SLC39A5: variants seen among roughly 807,000 people sequenced by gnomAD.
SLC39A5 encodes zinc transporter ZIP5.
In SLC39A5, 42 loss-of-function variants were observed where a neutral mutation model predicts 46.9. The observed-to-expected ratio is 0.90, with a 90% CI of 0.70 to 1.16. SLC39A5 has a LOEUF of 1.16. Among genes scored for constraint, SLC39A5 ranks in the 50% most tolerant of loss-of-function variants. The pLI is 0.00. For missense variants in SLC39A5, 677 were observed against 686.8 expected (o/e 0.99, Z 0.16); for synonymous variants, 311 against 323.1 (o/e 0.96, Z 0.40).
rs758222141 is a variant in SLC39A5, at chr12:56,231,494, C to T, written c.220C>T (p.Arg74Cys). Reference sequence around the variant, plus strand: ...GGGGCTAGGCCGAGTTCAGGGGCTTCGCCTGGGACAGCATGGGCCTCTGAC... The same window carrying T: ...GGGGCTAGGCCGAGTTCAGGGGCTTTGCCTGGGACAGCATGGGCCTCTGAC... The part of the protein sequence containing the change: ...SLGLGRVQGL[R>C]LGQHGPLTGR... Residue 74 changes from arginine (R) to cysteine (C), a missense_variant, in exon 4 of 13, where the codon CGC (arginine) becomes TGC (cysteine). Coordinates refer to ENST00000454355, the MANE Select transcript of SLC39A5 (RefSeq NM_173596.3). 4.2e-5 allele frequency: 67 copies of T among 1,609,214 alleles called. No individual in the cohort carries two copies. The East Asian group carries it at 6.2e-4, about 15-fold the overall frequency.
At position 56,237,557 on chromosome 12, in the gene SLC39A5, C is replaced by A. The variant is rs529756871; in HGVS notation, c.1480-31C>A. On this transcript the variant is annotated intron_variant, in intron 12 of 12. Transcript: ENST00000454355. The stretch of plus-strand genomic sequence containing the variant: ...TGGAGTTGAGAGGTCAGGGGCAAGG[C>A]CAGAATCCTGACATCCTCTTTTTCT... 5.9e-5 allele frequency: 95 copies of A among 1,613,254 alleles called. No individual in the cohort carries two copies. In the South Asian group the frequency reaches 9.6e-4, roughly 16 times the overall value.
Position 56,235,158 on chromosome 12 carries a change from C to T in SLC39A5, c.636C>T (p.Ala212=), listed in dbSNP as rs773792338. Residue 212 remains alanine, a splice_region_variant and synonymous_variant, in exon 7 of 13, where the codon GCC becomes GCT. Coordinates refer to ENST00000454355, the MANE Select transcript of SLC39A5 (RefSeq NM_173596.3). ...ACTTCAGCCCCTGATTCTCCCCAGC[C>T]CTGCTTCAGAGTGCCCTGGCAGTCC... The part of the protein sequence containing the change: ...APAPPGDLLS[A]LLQSALAVLL... 1.3e-6 allele frequency: 2 copies of T among 1,549,908 alleles called. No homozygotes were observed. The highest frequency in any genetic ancestry group is 2.5e-5 in the South Asian group (2 of 79,668).
Position 56,237,436 on chromosome 12 carries a change from T to C in SLC39A5, c.1479+96T>C, listed in dbSNP as rs374099812. On this transcript the variant is annotated intron_variant, in intron 12 of 12. Coordinates refer to ENST00000454355, the MANE Select transcript of SLC39A5 (RefSeq NM_173596.3). ...TCCCTCCGCCTCTACCATTAGCTCC[T>C]GGAAGGGCGTCAGACCATAGGCCCG... is the stretch of plus-strand genomic sequence containing the variant. 52 of 1,526,808 alleles carry C rather than the reference T, an allele frequency of 3.4e-5. No individual in the cohort carries two copies. The East Asian group carries it at 1.1e-3, about 31-fold the overall frequency. The allele number at this position is 1,526,808 out of a possible 1,614,324, so 94.6% of individuals were successfully genotyped here. A position where few individuals can be genotyped will look rare whatever the true frequency, so the allele number is the denominator to read the frequency against.
Position 56,237,337 on chromosome 12 carries a change from C to G in SLC39A5, c.1476C>G (p.Asp492Glu). 1.3e-6 allele frequency: 2 copies of G among 1,588,758 alleles called. No homozygotes were observed. Among genetic ancestry groups the G allele is most frequent in the Middle Eastern group, 1.7e-4 (1 of 5,906 alleles). ...TCTTCCTCTATGTGGCCCTTGTGGA[C>G]ATGGTGAGAGATGTCGGGTAGAGCA... is the stretch of plus-strand genomic sequence containing the variant. Reference protein sequence around the residue: ...AGVFLYVALVDMLPALLRPPE... With the variant: ...AGVFLYVALVEMLPALLRPPE... Residue 492 changes from aspartate to glutamate, a missense_variant, in exon 12 of 13, where the codon GAC becomes GAG. Asp to Glu is a conservative substitution (Grantham distance 45, BLOSUM62 2). Coordinates refer to ENST00000454355, the MANE Select transcript of SLC39A5 (RefSeq NM_173596.3).
At position 56,231,405 on chromosome 12, in the gene SLC39A5, T is replaced by C; in HGVS notation, c.131T>C (p.Phe44Ser). The change falls in exon 4 of 13, where the codon TTT becomes TCT. Residue 44 changes from phenylalanine (F) to serine (S), a missense_variant. Phe to Ser is a radical substitution (Grantham distance 155). Transcript: ENST00000454355. The part of the protein sequence containing the change: ...QEQNHYLAQL[F>S]GLYGENGTLT... ...CAGAACCATTACCTGGCCCAGCTGT[T>C]TGGCCTGTACGGCGAGAATGGGACG... 1 of 1,614,156 alleles carries C rather than the reference T, an allele frequency of 6.2e-7. No individual in the cohort carries two copies. Among genetic ancestry groups the C allele is most frequent in the South Asian group, 1.1e-5 (1 of 91,090 alleles).
intron 4 of SLC39A5, 58 bp downstream of exon 4, chr12:56,231,619 G>T (rs1870224927): frequency 3.4e-6 from 5 of 1,475,328 alleles, no homozygotes; most frequent in East Asian, 2.4e-5. Context: ...CTCAGTGCTT[G>T]CCCCCAGTTG....
Position 56,231,565 on chromosome 12 carries a change from C to G in SLC39A5, c.287+4C>G. ...CTGCAGACAATTCCACACACAGGTA[C>G]TGACCCCTTCCTCCACTCCACAGGG... On this transcript the variant is annotated splice_donor_region_variant and intron_variant, in intron 4 of 12. Transcript: ENST00000454355. 1 of 1,534,074 alleles carries G rather than the reference C, an allele frequency of 6.5e-7. No individual in the cohort carries two copies.
chr12:56,231,350 G>C lies in SLC39A5; in HGVS notation c.76G>C (p.Val26Leu). The C allele has an allele frequency of 6.2e-7, 1 of 1,613,926 alleles. No individual in the cohort carries two copies. Among genetic ancestry groups the C allele is most frequent in the Non-Finnish European group, 8.5e-7 (1 of 1,180,002 alleles). The stretch of plus-strand genomic sequence containing the variant: ...CGTCTTGGGCTGGGTAGGGGGCTCA[G>C]TCCCCAACCTGGGCCCTGCTGAGCA... ...WVVLGWVGGS[V>L]PNLGPAEQEQ... Residue 26 changes from valine (V) to leucine (L), a missense_variant, in exon 4 of 13, where the codon GTC becomes CTC. Physicochemically the swap from Val to Leu is conservative, Grantham distance 32. Coordinates refer to ENST00000454355, the MANE Select transcript of SLC39A5 (RefSeq NM_173596.3).
chr12:56,237,541 G>T, intron 12 of SLC39A5, 47 bp from the exon 13 acceptor site: 1 of 1,611,486 alleles, frequency 6.2e-7, no homozygotes, highest in South Asian at 1.1e-5. Context: ...CTGGAGTTGA[G>T]AGGTCAGGGG....
At position 56,237,638 on chromosome 12, in the gene SLC39A5, C is replaced by T. The variant is rs1477635454; in HGVS notation, c.1530C>T (p.Leu510=). 2 of 1,612,794 alleles carry T rather than the reference C, an allele frequency of 1.2e-6. No individual in the cohort carries two copies. Among genetic ancestry groups the T allele is most frequent in the Admixed American group, 3.3e-5 (2 of 59,860 alleles). ...PPEPLPTPHV[L]LQGLGLLLGG... The stretch of plus-strand genomic sequence containing the variant: ...AGCCCCTGCCTACGCCCCATGTGCT[C>T]CTGCAGGGGCTGGGGCTGCTGCTGG... The change falls in exon 13 of 13, where the codon CTC becomes CTT. Residue 510 remains leucine, a synonymous_variant. Coordinates refer to ENST00000454355, the MANE Select transcript of SLC39A5 (RefSeq NM_173596.3).
At position 56,231,495 on chromosome 12, in the gene SLC39A5, G is replaced by A. The variant is rs753599882; in HGVS notation, c.221G>A (p.Arg74His). 26 of 1,608,422 alleles carry A rather than the reference G, an allele frequency of 1.6e-5. No individual in the cohort carries two copies. Among genetic ancestry groups the A allele is most frequent in the African/African-American group, 4.0e-5 (3 of 74,816 alleles). ...GGGCTAGGCCGAGTTCAGGGGCTTC[G>A]CCTGGGACAGCATGGGCCTCTGACT... ...SLGLGRVQGLRLGQHGPLTGR... is the reference protein window; with the variant it reads ...SLGLGRVQGLHLGQHGPLTGR... Residue 74 changes from arginine (R) to histidine (H), a missense_variant, in exon 4 of 13, where the codon CGC (arginine) becomes CAC (histidine). Physicochemically the swap from Arg to His is conservative, Grantham distance 29 (BLOSUM62 0). Transcript: ENST00000454355.
Position 56,235,151 on chromosome 12 carries a change from C to T in SLC39A5, c.635-6C>T. 1 of 1,546,788 alleles carries T rather than the reference C, an allele frequency of 6.5e-7. No homozygotes were observed. The highest frequency in any genetic ancestry group is 8.7e-7 in the Non-Finnish European group (1 of 1,147,496). ...TGACCTAACTTCAGCCCCTGATTCT[C>T]CCCAGCCCTGCTTCAGAGTGCCCTG... is the stretch of plus-strand genomic sequence containing the variant. On this transcript the variant is annotated splice_polypyrimidine_tract_variant and splice_region_variant and intron_variant, in intron 6 of 12. Transcript: ENST00000454355.
chr12:56,234,745 C>T lies in SLC39A5; in HGVS notation c.472-79C>T, dbSNP rs886106235. The T allele has an allele frequency of 3.3e-6, 5 of 1,495,384 alleles. No homozygotes were observed. The African/African-American group carries it at 4.1e-5, about 12-fold the overall frequency. The allele number at this position is 1,495,384 out of a possible 1,614,324, so 92.6% of individuals were successfully genotyped here. On this transcript the variant is annotated intron_variant, in intron 5 of 12. Transcript: ENST00000454355. ...CAAGGGCTGGGATTATAGGTGTGAG[C>T]CACTACACCTGGCCAGGTGTTAAAG...
intron 5 of SLC39A5, among the ~76,000 whole-genome samples, chr12:56,233,244 A>C (rs1489078559): frequency 7.5e-6 from 1 of 132,750 alleles, no homozygotes; most frequent in Non-Finnish European, 1.6e-5. Flanking sequence ...AGCCTGGGCA[A>C]CAAGAGGGAG....
chr12:56,232,712 T>A lies in SLC39A5; in HGVS notation c.311T>A (p.Val104Glu). The change falls in exon 5 of 13, where the codon GTG becomes GAG. Residue 104 changes from valine to glutamate, a missense_variant. Transcript: ENST00000454355. ...THRPQNPELSVDVWAGMPLGP... is the reference protein window; with the variant it reads ...THRPQNPELSEDVWAGMPLGP... ...AGGCCACAGAACCCTGAGCTGAGTG[T>A]GGATGTCTGGGCAGGGATGCCTCTG... The A allele has an allele frequency of 6.2e-7, 1 of 1,610,662 alleles. No homozygotes were observed. The highest frequency in any genetic ancestry group is 1.1e-5 in the South Asian group (1 of 90,676).
At chr12:56,236,100 T>C (rs931348623) in intron 8 of SLC39A5, among the ~76,000 whole-genome samples, 1 of 152,158 alleles carries the variant, frequency 6.6e-6, no homozygotes, top group Non-Finnish European at 1.5e-5. Flanking sequence ...AGGAGCAGTG[T>C]GTGCTCCTGG....
In SLC39A5 at chr12:56,232,787, C is replaced by A; in HGVS notation, c.386C>A (p.Pro129His). 6.2e-7 allele frequency: 1 copy of A among 1,612,570 alleles called. No individual in the cohort carries two copies. Among genetic ancestry groups the A allele is most frequent in the Admixed American group, 1.7e-5 (1 of 59,568 alleles). The change falls in exon 5 of 13, where the codon CCC becomes CAC. Residue 129 changes from proline (P) to histidine (H), a missense_variant. Physicochemically the swap from Pro to His is moderately conservative, Grantham distance 77. Transcript: ENST00000454355. ...GAAGAGTCAAAGGCCCCTCACCTAC[C>A]CCGTGGGCCAGCCCCCTCGGGCCTG... ...DLEESKAPHL[P>H]RGPAPSGLDL...
At chr12:56,236,558 A>G (rs1381677060) in intron 9 of SLC39A5, 24 bp from the exon 10 acceptor site, 1 of 1,613,848 alleles carries the variant, frequency 6.2e-7, no homozygotes, top group Non-Finnish European at 8.5e-7. Context: ...AGCCACCAAC[A>G]CTGTCCTGTG....
chr12:56,231,590 G>T, intron 4 of SLC39A5, 29 bp downstream of exon 4: 1 of 1,510,956 alleles, frequency 6.6e-7, no homozygotes, highest in Non-Finnish European at 8.9e-7. Context: ...ACTCCACAGG[G>T]CCACATCTCC....
Sources: allele counts gnomAD v4.1 joint callset (sites outside exome capture counted in the v4.1 genomes callset), GRCh38; gene constraint gnomAD v4.1.1; transcripts MANE v1.5; gene names NCBI Gene and HGNC (gene_info 2026-07-23, HGNC 2026-07-21).